Variants in CSMD1 observed in about 807,000 individuals in gnomAD.
CSMD1 encodes CUB and Sushi multiple domains 1, also known as CUB and sushi domain-containing protein 1.
A neutral mutation model predicts 417.5 loss-of-function variants in CSMD1; 213 were observed. The ratio of observed to expected loss-of-function variants is 0.51; its 90% CI spans 0.46 to 0.57. The LOEUF is 0.57. CSMD1 is among the 20% of genes least tolerant of loss of function. The probability of loss-of-function intolerance (pLI) is 0.00; values close to 1 mark genes in which losing one functional copy is unlikely to be tolerated. For missense variants in CSMD1, 6,923 were observed against 4,529.7 expected (o/e 1.53, Z -15.17); for synonymous variants, 2,862 against 1,736.8 (o/e 1.65, Z -16.11).
At chr8:3,442,197 A>C (rs1815029649) in intron 12 of CSMD1, among the ~76,000 whole-genome samples, 1 of 150,394 alleles carries the variant, frequency 6.6e-6, no homozygotes, top group Non-Finnish European at 1.5e-5. Flanking sequence ...AAATTTTAAA[A>C]AATGAAAAGG....
intron 3 of CSMD1, among the ~76,000 whole-genome samples, chr8:4,339,790 G>A (rs1800371836): frequency 6.6e-6 from 1 of 152,112 alleles, no homozygotes; most frequent in South Asian, 2.1e-4. Context: ...TTGGGAGAAT[G>A]AGGTGGGAGA....
intron 3 of CSMD1, among the ~76,000 whole-genome samples, chr8:4,331,827 T>C (rs1316677551): frequency 2.0e-5 from 3 of 152,268 alleles, no homozygotes; most frequent in East Asian, 3.9e-4. Flanking sequence ...CAAATAATTA[T>C]TACTGTTTCC....
chr8:3,968,688 C>G (rs147231891), intron 5 of CSMD1, among the ~76,000 whole-genome samples: 33 of 152,118 alleles, frequency 2.2e-4, no homozygotes, highest in African/African-American at 7.7e-4. Context: ...AGTCATTAAG[C>G]TTGCTCTTAC....
intron 11 of CSMD1, among the ~76,000 whole-genome samples, chr8:3,481,168 A>AAAAAAC (rs1817723625): frequency 6.8e-6 from 1 of 147,952 alleles, no homozygotes. Context: ...AAAAAAAAAA[A>AAAAAAC]AAAAAAAAAA....
intron 1 of CSMD1, among the ~76,000 whole-genome samples, chr8:4,716,456 T>G (rs1808665725): frequency 6.6e-6 from 1 of 152,192 alleles, no homozygotes; most frequent in Non-Finnish European, 1.5e-5. Context: ...AAAAACAGAA[T>G]TTTTCAGTTA....
At chr8:3,058,734 C>A (rs547721825) in intron 49 of CSMD1, among the ~76,000 whole-genome samples, 1 of 151,914 alleles carries the variant, frequency 6.6e-6, no homozygotes, top group African/African-American at 2.4e-5. Flanking sequence ...TGCGTGGTCT[C>A]GGAGGAGCAA....
At chr8:4,813,998 T>G (rs987162823) in intron 1 of CSMD1, among the ~76,000 whole-genome samples, 2 of 152,236 alleles carry the variant, frequency 1.3e-5, no homozygotes, top group African/African-American at 4.8e-5. Flanking sequence ...GTTGCATAAT[T>G]GATTAACACC....
intron 1 of CSMD1, among the ~76,000 whole-genome samples, chr8:4,700,435 C>T (rs1807450208): frequency 6.6e-6 from 1 of 152,036 alleles, no homozygotes; most frequent in Admixed American, 6.5e-5. Flanking sequence ...GGTAGGTTTA[C>T]TTTGTGACAC....
intron 1 of CSMD1, among the ~76,000 whole-genome samples, chr8:4,937,213 A>AAAATAAAT (rs138662428): frequency 0.015 from 2,249 of 151,160 alleles, 49 homozygotes; most frequent in Non-Finnish European, 0.019. Flanking sequence ...GCCCTGTCTC[A>AAAATAAAT]AAATAAATAA....
At chr8:3,950,432 C>T (rs1306770967) in intron 5 of CSMD1, among the ~76,000 whole-genome samples, 2 of 152,186 alleles carry the variant, frequency 1.3e-5, no homozygotes, top group Non-Finnish European at 2.9e-5. Context: ...AAGAGAGGTT[C>T]TTCTGGATCT....
intron 6 of CSMD1, among the ~76,000 whole-genome samples, chr8:3,731,358 G>C (rs757653256): frequency 2.6e-5 from 4 of 152,202 alleles, no homozygotes; most frequent in Non-Finnish European, 4.4e-5. Context: ...TTTCATTTTA[G>C]TGGAAGTTCA....
At chr8:4,399,051 A>C (rs1236908931) in intron 3 of CSMD1, among the ~76,000 whole-genome samples, 2 of 152,210 alleles carry the variant, frequency 1.3e-5, no homozygotes, top group African/African-American at 4.8e-5. Flanking sequence ...GTTCTGTAAG[A>C]ATCTCAGTCG....
intron 10 of CSMD1, among the ~76,000 whole-genome samples, chr8:3,523,921 A>G (rs1271507330): frequency 6.6e-6 from 1 of 151,556 alleles, no homozygotes; most frequent in Non-Finnish European, 1.5e-5. Context: ...ACGCACACAC[A>G]CATATGCATG....
chr8:4,864,740 T>A (rs1326682451), intron 1 of CSMD1, among the ~76,000 whole-genome samples: 1 of 151,760 alleles, frequency 6.6e-6, no homozygotes, highest in Non-Finnish European at 1.5e-5. Context: ...AAGTATATTT[T>A]CCATATGAGT....
chr8:3,906,797 A>G (rs1269348716), intron 5 of CSMD1, among the ~76,000 whole-genome samples: 2 of 152,218 alleles, frequency 1.3e-5, no homozygotes, highest in Admixed American at 1.3e-4. Flanking sequence ...ATATATACAG[A>G]CAAAATATAT....
chr8:4,056,623 G>A (rs577733219), intron 3 of CSMD1, among the ~76,000 whole-genome samples: 87 of 151,786 alleles, frequency 5.7e-4, no homozygotes, highest in African/African-American at 2.0e-3. Context: ...CCATGCTGGG[G>A]TCCTGCACCC....
chr8:4,056,110 C>G (rs1187630088), intron 3 of CSMD1, among the ~76,000 whole-genome samples: 1 of 108,692 alleles, frequency 9.2e-6, no homozygotes, highest in East Asian at 3.3e-4. Context: ...GAGACAGAGT[C>G]TCACTTTGTC....
intron 3 of CSMD1, among the ~76,000 whole-genome samples, chr8:4,204,070 C>T (rs374327432): frequency 6.6e-6 from 1 of 152,142 alleles, no homozygotes; most frequent in African/African-American, 2.4e-5. Flanking sequence ...CACTGTACTC[C>T]AGCCTGGGTG....
At chr8:4,571,776 G>A (rs944225369) in intron 2 of CSMD1, among the ~76,000 whole-genome samples, 1 of 152,102 alleles carries the variant, frequency 6.6e-6, no homozygotes, top group Non-Finnish European at 1.5e-5. Context: ...CTCTTTGTAC[G>A]TCTCTAAGAA....
Sources: allele counts gnomAD v4.1 joint callset (sites outside exome capture counted in the v4.1 genomes callset), GRCh38; gene constraint gnomAD v4.1.1; transcripts MANE v1.5; gene names NCBI Gene and HGNC (gene_info 2026-07-23, HGNC 2026-07-21).